SUGCT: variants seen among roughly 807,000 people sequenced by gnomAD.
The protein encoded by SUGCT is succinyl-CoA:glutarate CoA-transferase.
In SUGCT, 41 loss-of-function variants were observed where a neutral mutation model predicts 55.0. The observed-to-expected ratio is 0.74, with a 90% confidence interval of 0.58 to 0.97. The LOEUF is 0.97. Among genes scored for constraint, SUGCT ranks in the 50% least tolerant of loss-of-function variants. The probability of loss-of-function intolerance (pLI) is 0.00; values close to 1 mark genes in which losing one functional copy is unlikely to be tolerated. For synonymous variants in SUGCT, 187 were observed against 200.4 expected (o/e 0.93, Z 0.56); for missense variants, 568 against 547.8 (o/e 1.04, Z -0.37).
rs893629625 is a variant in SUGCT at position 40,237,636 on chromosome 7, G to A, written c.486G>A (p.Gly162=). Residue 162 remains glycine, a splice_region_variant and synonymous_variant, in exon 7 of 14, where the codon GGG becomes GGA. Transcript: ENST00000335693. ...ATATGTTTATTTTTGTTGTTTTAGG[G>A]TATGGTCAGACAGGTCCAATTTCTC... is the stretch of plus-strand genomic sequence containing the variant. ...APHIIYCSIT[G]YGQTGPISQR... The A allele has an allele frequency of 5.6e-6, 9 of 1,613,492 alleles. No homozygotes were observed. Among genetic ancestry groups the A allele is most frequent in the Non-Finnish European group, 7.6e-6 (9 of 1,179,654 alleles).
chr7:40,797,512 C>T (rs945124896), intron 13 of SUGCT, among the ~76,000 whole-genome samples: 4 of 152,152 alleles, frequency 2.6e-5, no homozygotes, highest in Admixed American at 2.6e-4. Flanking sequence ...TGCTCTTATT[C>T]CCCACATCCA....
At chr7:40,898,480 CGGGG>C in the SUGCT span, among the ~76,000 whole-genome samples, 117 of 5,706 alleles carry the variant, frequency 0.021, 9 homozygotes, top group Non-Finnish European at 0.027. Context: ...TCCGGGAGGT[CGGGG>C]GGGGGGGGGG....
intron 13 of SUGCT, among the ~76,000 whole-genome samples, chr7:40,800,794 A>G (rs949266459): frequency 1.1e-4 from 16 of 152,230 alleles, no homozygotes; most frequent in Admixed American, 5.2e-4. Flanking sequence ...AATAATAATC[A>G]TAAAGTGTCT....
At chr7:40,239,687 T>C (rs1014366646) in intron 7 of SUGCT, among the ~76,000 whole-genome samples, 2 of 152,244 alleles carry the variant, frequency 1.3e-5, no homozygotes, top group African/African-American at 4.8e-5. Flanking sequence ...CTCAACCTTA[T>C]AATTTCTCAG....
the SUGCT span, among the ~76,000 whole-genome samples, chr7:40,986,879 A>G: frequency 6.6e-6 from 1 of 152,292 alleles, no homozygotes. Context: ...TCCAGCCAAA[A>G]GAAATAAAAA....
At chr7:40,991,751 CCT>C in the SUGCT span, among the ~76,000 whole-genome samples, 1 of 152,058 alleles carries the variant, frequency 6.6e-6, no homozygotes, top group African/African-American at 2.4e-5. Context: ...ACCTTCAGCC[CCT>C]GTGATTGGGA....
chr7:40,463,282 CTG>C (rs991377532), intron 11 of SUGCT, among the ~76,000 whole-genome samples: 10 of 152,148 alleles, frequency 6.6e-5, no homozygotes, highest in African/African-American at 2.2e-4. Context: ...GATGAACTCA[CTG>C]TGTTTATTTT....
chr7:41,016,427 A>G, the SUGCT span, among the ~76,000 whole-genome samples: 1 of 152,152 alleles, frequency 6.6e-6, no homozygotes, highest in Non-Finnish European at 1.5e-5. Context: ...GCCAGAACCC[A>G]TAGATTCCTG....
intron 12 of SUGCT, among the ~76,000 whole-genome samples, chr7:40,665,689 AC>A (rs1801592833): frequency 6.6e-6 from 1 of 151,670 alleles, no homozygotes; most frequent in Non-Finnish European, 1.5e-5. Flanking sequence ...GGGGACCAAA[AC>A]CATTTTGCAG....
chr7:40,755,421 C>T (rs942636738), intron 13 of SUGCT, among the ~76,000 whole-genome samples: 7 of 152,162 alleles, frequency 4.6e-5, no homozygotes, highest in East Asian at 3.8e-4. Flanking sequence ...AGCATTTCTG[C>T]GACAGGAGAT....
At position 40,496,274 on chromosome 7, in the gene SUGCT, G is replaced by A; in HGVS notation, c.987-10G>A. 6.3e-7 allele frequency: 1 copy of A among 1,593,060 alleles called. No homozygotes were observed. The highest frequency in any genetic ancestry group is 1.7e-4 in the Middle Eastern group (1 of 6,018). ...CTGTGTAAAAAATTTATCCTTGTTT[G>A]TCTTCTTAGGTTTGAAGAAGAACTG... On this transcript the variant is annotated splice_polypyrimidine_tract_variant and intron_variant, in intron 11 of 13. Transcript: ENST00000335693.
At chr7:40,784,481 A>G (rs1789920396) in intron 13 of SUGCT, among the ~76,000 whole-genome samples, 1 of 152,180 alleles carries the variant, frequency 6.6e-6, no homozygotes, top group African/African-American at 2.4e-5. Context: ...TCTGAGGACA[A>G]GATTCACTTG....
At chr7:40,199,540 T>C (rs1453162172) in intron 6 of SUGCT, among the ~76,000 whole-genome samples, 1 of 152,212 alleles carries the variant, frequency 6.6e-6, no homozygotes. Flanking sequence ...CTCTATACTT[T>C]TAGAAGTACA....
At chr7:40,274,052 T>C (rs1792291102) in intron 7 of SUGCT, among the ~76,000 whole-genome samples, 1 of 148,348 alleles carries the variant, frequency 6.7e-6, no homozygotes, top group Non-Finnish European at 1.5e-5. Flanking sequence ...TACAAGGAGG[T>C]TTGACCAGAT....
chr7:40,141,919 G>C, intron 1 of SUGCT: 1 of 316,918 alleles, frequency 3.2e-6, no homozygotes, highest in Admixed American at 3.3e-5. Flanking sequence ...TCTTATCCCT[G>C]ATGCACGTGG....
At chr7:40,563,751 TA>T (rs1189216688) in intron 12 of SUGCT, among the ~76,000 whole-genome samples, 7 of 151,364 alleles carry the variant, frequency 4.6e-5, no homozygotes, top group African/African-American at 1.2e-4. Flanking sequence ...TTAATAATAA[TA>T]AAAGGGGGGG....
At chr7:40,739,932 A>T (rs990788461) in intron 12 of SUGCT, among the ~76,000 whole-genome samples, 5 of 152,144 alleles carry the variant, frequency 3.3e-5, no homozygotes, top group African/African-American at 9.7e-5. Flanking sequence ...TGAACTTTTT[A>T]AAAAGTTTAC....
the SUGCT span, among the ~76,000 whole-genome samples, chr7:40,907,551 C>A: frequency 6.6e-6 from 1 of 152,156 alleles, no homozygotes; most frequent in African/African-American, 2.4e-5. Context: ...CCTCATCTAA[C>A]GCTCACAAAA....
chr7:40,208,948 TTAA>T (rs1562578146), intron 6 of SUGCT, among the ~76,000 whole-genome samples: 1 of 152,234 alleles, frequency 6.6e-6, no homozygotes, highest in Non-Finnish European at 1.5e-5. Flanking sequence ...TGTTATTTGC[TTAA>T]TAATAAATTT....
Sources: gnomAD v4.1 joint callset for allele counts (sites outside exome capture counted in the v4.1 genomes callset) on GRCh38, gnomAD v4.1.1 for gene constraint, MANE v1.5 for transcripts, NCBI Gene and HGNC (gene_info 2026-07-23, HGNC 2026-07-21) for gene names.